CSNK1G2: variants seen among roughly 807,000 people sequenced by gnomAD.
CSNK1G2 encodes the protein casein kinase 1 gamma 2.
In CSNK1G2, 11 loss-of-function variants were observed where a neutral mutation model predicts 48.0. The ratio of observed to expected loss-of-function variants is 0.23; its 90% CI spans 0.14 to 0.38. The LOEUF is 0.38. Ranked by LOEUF, CSNK1G2 falls within the 10% of genes least tolerant of loss-of-function variation. CSNK1G2 has a pLI of 1.00. For synonymous variants in CSNK1G2, 337 were observed against 254.1 expected, an observed-to-expected ratio of 1.33 and a Z score of -3.10; for missense variants, 446 against 595.5, an observed-to-expected ratio of 0.75 and a Z score of 2.61.
chr19:1,965,900 G>T (rs188239757), intron 1 of CSNK1G2, among the ~76,000 whole-genome samples: 1 of 152,108 alleles, frequency 6.6e-6, no homozygotes, highest in East Asian at 1.9e-4. Flanking sequence ...AGGCTCAAGC[G>T]ATCCTCTCAC....
chr19:1,967,728 C>G (rs1410994047), intron 1 of CSNK1G2, among the ~76,000 whole-genome samples: 2 of 76,550 alleles, frequency 2.6e-5, no homozygotes, highest in African/African-American at 1.5e-4. Context: ...AGGTGGGGCT[C>G]CTCCTTCCTC....
Position 1,969,783 on chromosome 19 carries a change from A to T in CSNK1G2, c.11A>T (p.Asp4Val). MDFDKKGGKGETEE... is the reference protein window; with the variant it reads MDFVKKGGKGETEE... The stretch of plus-strand genomic sequence containing the variant: ...GGGTATCACAAACTTATGGATTTTG[A>T]CAAGAAAGGAGGGAAAGGGGAGACG... The change falls in exon 2 of 12, where the codon GAC becomes GTC. Residue 4 changes from aspartate (D) to valine (V), a missense_variant. Around this residue, in one of 2 missense-constraint regions of CSNK1G2, gnomAD observed 258 missense variants for 415.9 expected, o/e 0.62. Transcript: ENST00000255641. 7.7e-7 allele frequency: 1 copy of T among 1,305,824 alleles called. No homozygotes were observed. Among genetic ancestry groups the T allele is most frequent in the East Asian group, 2.8e-5 (1 of 35,430 alleles). The allele number at this position is 1,305,824 out of a possible 1,614,324, so 80.9% of individuals were successfully genotyped here.
At chr19:1,972,218 T>C (rs182939121) in intron 2 of CSNK1G2, among the ~76,000 whole-genome samples, 110 of 152,360 alleles carry the variant, frequency 7.2e-4, no homozygotes, top group African/African-American at 2.5e-3. Flanking sequence ...CTTCTTCATC[T>C]GCTCCCAGCG....
rs1180924167 is a variant in CSNK1G2 at position 1,978,972 on chromosome 19, C to T, written c.561C>T (p.Ile187=). 1.2e-6 allele frequency: 2 copies of T among 1,600,272 alleles called. No homozygotes were observed. The highest frequency in any genetic ancestry group is 1.1e-5 in the South Asian group (1 of 91,082). The change falls in exon 6 of 12, where the codon ATC becomes ATT. Residue 187 remains isoleucine, a synonymous_variant. Transcript: ENST00000255641. This position sits in a 1 kb window ranked among gnomAD's most constrained non-coding sequence, Gnocchi z 7.3. ...AGCGGCAGCATGCCATCCACATCAT[C>T]GACTTCGGGCTGGCCAAGGAGTACA... The part of the protein sequence containing the change: ...GTKRQHAIHI[I]DFGLAKEYID...
At chr19:1,949,901 C>T (rs932114535) in intron 1 of CSNK1G2, among the ~76,000 whole-genome samples, 9 of 152,232 alleles carry the variant, frequency 5.9e-5, no homozygotes, top group African/African-American at 2.2e-4. Context: ...CCGGTGTCCC[C>T]ACTGCCTTGT....
intron 1 of CSNK1G2, among the ~76,000 whole-genome samples, chr19:1,964,565 C>A (rs967392703): frequency 6.6e-6 from 1 of 152,120 alleles, no homozygotes; most frequent in African/African-American, 2.4e-5. Flanking sequence ...GGGCTTTTTA[C>A]CATTCCACAA....
chr19:1,980,007 G>A lies in CSNK1G2; in HGVS notation c.1183G>A (p.Asp395Asn), dbSNP rs367842890. 5.1e-6 allele frequency: 8 copies of A among 1,577,548 alleles called. No individual in the cohort carries two copies. In the African/African-American group the frequency reaches 8.1e-5, roughly 16 times the overall value. The part of the protein sequence containing the change: ...ITAPAEVEVA[D>N]ETKCCCFFKR... ...AGCGCCTGCAGAGGTGGAGGTGGCC[G>A]ATGAAACCAAGTAAGGCTCTGGGGC... The change falls in exon 11 of 12, where the codon GAT (aspartate) becomes AAT (asparagine). Residue 395 changes from aspartate (D) to asparagine (N), a missense_variant. By Grantham distance (23) the Asp-to-Asn change is conservative. Coordinates refer to ENST00000255641, the MANE Select transcript of CSNK1G2 (RefSeq NM_001319.7).
chr19:1,972,773 C>T (rs533243944), intron 2 of CSNK1G2, among the ~76,000 whole-genome samples: 2 of 152,010 alleles, frequency 1.3e-5, no homozygotes, highest in African/African-American at 2.4e-5. Flanking sequence ...CAGGCGTGAG[C>T]CACCATGCCT....
At chr19:1,979,289 G>A (rs1430315821) in intron 7 of CSNK1G2, 30 bp from the exon 8 acceptor site, 4 of 1,578,606 alleles carry the variant, frequency 2.5e-6, no homozygotes, top group East Asian at 2.3e-5. Flanking sequence ...GACGCAGGGC[G>A]GGAGCAAGGC....
intron 1 of CSNK1G2, among the ~76,000 whole-genome samples, chr19:1,955,963 C>T (rs564166363): frequency 3.0e-4 from 45 of 152,350 alleles, no homozygotes; most frequent in Middle Eastern, 6.8e-3. Context: ...CAGACGCCAG[C>T]GGGGCAGCCT....
rs562495263 is a variant in CSNK1G2, at chr19:1,967,134, A to C, written c.-265-2374A>C. Reference sequence around the variant, plus strand: ...CTTGTGTGTGCACTGGGAAACCAGAACATTCGAGCGGCTGTTGCCGTGCGG... The same window carrying C: ...CTTGTGTGTGCACTGGGAAACCAGACCATTCGAGCGGCTGTTGCCGTGCGG... On this transcript the variant is annotated intron_variant, in intron 1 of 11. Coordinates refer to ENST00000255641, the MANE Select transcript of CSNK1G2 (RefSeq NM_001319.7). Among the ~76,000 whole-genome samples the C allele has an allele frequency of 2.6e-5, 4 of 152,312 alleles. No individual in the cohort carries two copies. In the East Asian group the frequency reaches 7.7e-4, roughly 29 times the overall value.
At chr19:1,945,872 C>T (rs1215328812) in intron 1 of CSNK1G2, among the ~76,000 whole-genome samples, 1 of 150,286 alleles carries the variant, frequency 6.7e-6, no homozygotes, top group Non-Finnish European at 1.5e-5. Context: ...ATCTGCTGAA[C>T]TTCTGGGGCA....
In CSNK1G2 at chr19:1,944,248, C is replaced by T. The variant is rs548939515; in HGVS notation, c.-266+2830C>T. Among the ~76,000 whole-genome samples, 466 of 152,236 alleles carry T rather than the reference C, an allele frequency of 3.1e-3. 4 individuals are homozygous for T. The highest frequency in any genetic ancestry group is 0.01 in the African/African-American group (435 of 41,552). ...TGCAAATGCTCCGCCGGCAGCCACA[C>T]GAGAGAACCTGTTGGTTGGCGGCCT... On this transcript the variant is annotated intron_variant, in intron 1 of 11. Coordinates refer to ENST00000255641, the MANE Select transcript of CSNK1G2 (RefSeq NM_001319.7).
intron 1 of CSNK1G2, among the ~76,000 whole-genome samples, chr19:1,950,301 A>G (rs980301647): frequency 0.099 from 14,184 of 143,618 alleles, 946 homozygotes; most frequent in East Asian, 0.18. Flanking sequence ...CACCACACCC[A>G]GCTAATTGTT....
At chr19:1,973,858 A>G (rs1169880655) in intron 2 of CSNK1G2, among the ~76,000 whole-genome samples, 4 of 152,132 alleles carry the variant, frequency 2.6e-5, no homozygotes, top group African/African-American at 4.8e-5. Flanking sequence ...CTGTAACAGA[A>G]TGCCACAGAC....
chr19:1,961,777 A>G (rs1168924480), intron 1 of CSNK1G2, among the ~76,000 whole-genome samples: 1 of 152,234 alleles, frequency 6.6e-6, no homozygotes, highest in African/African-American at 2.4e-5. Context: ...TAGAGAAACT[A>G]GGTTAGCCAT....
At chr19:1,967,373 C>T (rs983846522) in intron 1 of CSNK1G2, among the ~76,000 whole-genome samples, 1 of 152,288 alleles carries the variant, frequency 6.6e-6, no homozygotes, top group East Asian at 1.9e-4. Flanking sequence ...GAAACCTCTT[C>T]CCCTGCACAT....
chr19:1,944,348 C>T (rs981854413), intron 1 of CSNK1G2, among the ~76,000 whole-genome samples: 5 of 152,146 alleles, frequency 3.3e-5, no homozygotes, highest in African/African-American at 1.2e-4. Context: ...CTGCTTCTTC[C>T]TCATTCTGGA....
chr19:1,965,700 G>A (rs1228071443), intron 1 of CSNK1G2, among the ~76,000 whole-genome samples: 1 of 152,114 alleles, frequency 6.6e-6, no homozygotes, highest in Non-Finnish European at 1.5e-5. Context: ...GTTTCACCAT[G>A]TTCCTCAGGC....
Sources: gnomAD v4.1 joint callset for allele counts (sites outside exome capture counted in the v4.1 genomes callset) on GRCh38, gnomAD v4.1.1 for gene constraint, gnomAD v4.1.1 regional missense constraint, Gnocchi (gnomAD v3.1) non-coding constraint, MANE v1.5 for transcripts, NCBI Gene and HGNC (gene_info 2026-07-23, HGNC 2026-07-21) for gene names.